NAT8L: variants seen among roughly 807,000 people sequenced by gnomAD.
The protein encoded by NAT8L is N-acetylaspartate synthetase.
A neutral mutation model predicts 21.2 loss-of-function variants in NAT8L; 6 were observed. The ratio of observed to expected loss-of-function variants is 0.28; its 90% CI spans 0.16 to 0.56. The LOEUF (loss-of-function observed/expected upper bound fraction) is 0.56, where lower values mean the gene tolerates loss of function less well. NAT8L is among the 20% of genes least tolerant of loss of function. The pLI, the probability that NAT8L is intolerant of heterozygous loss-of-function variation, is 0.93. For missense variants in NAT8L, 331 were observed against 433.3 expected (o/e 0.76, Z 2.10); for synonymous variants, 239 against 204.9 (o/e 1.17, Z -1.42).
rs1178124198 is a variant in NAT8L, at chr4:2,059,473, C to T, written c.-39C>T. ...TGGGCCCGGCCGTGCCCGCCGCCGC[C>T]CGGCCGCGTCCCCGCTGCCGCGCCG... On this transcript the variant is annotated 5_prime_UTR_variant, in exon 1 of 3. Coordinates refer to ENST00000423729, the MANE Select transcript of NAT8L (RefSeq NM_178557.4). This position sits in a 1 kb window ranked among gnomAD's most constrained non-coding sequence, Gnocchi z 4.8. The T allele has an allele frequency of 1.1e-6, 1 of 940,294 alleles. No individual in the cohort carries two copies. The highest frequency in any genetic ancestry group is 1.3e-6 in the Non-Finnish European group (1 of 791,702). 58.2% of individuals were successfully genotyped at this position (940,294 alleles called of 1,614,324 possible). A position where few individuals can be genotyped will look rare whatever the true frequency, so the allele number is the denominator to read the frequency against.
In NAT8L at chr4:2,059,529, C is replaced by G. The variant is rs1729810093; in HGVS notation, c.18C>G (p.Pro6=). The stretch of plus-strand genomic sequence containing the variant: ...CCGGGTGCATGCATTGTGGGCCTCC[C>G]GACATGGTCTGCGAGACGAAGATCG... MHCGP[P]DMVCETKIVA... Residue 6 remains proline (P), a synonymous_variant, in exon 1 of 3, where the codon CCC becomes CCG. Transcript: ENST00000423729. This position sits in a 1 kb window ranked among gnomAD's most constrained non-coding sequence, Gnocchi z 4.8. The G allele has an allele frequency of 2.0e-6, 2 of 1,002,648 alleles. No individual in the cohort carries two copies. Among genetic ancestry groups the G allele is most frequent in the African/African-American group, 3.5e-5 (2 of 56,762 alleles). The allele number at this position is 1,002,648 out of a possible 1,614,324, so 62.1% of individuals were successfully genotyped here.
In NAT8L at chr4:2,059,373, A is replaced by AGCTGCC. The variant is rs1553889920; in HGVS notation, c.-136_-131dup. 5 of 157,460 alleles carry AGCTGCC rather than the reference A, an allele frequency of 3.2e-5. No homozygotes were observed. Among genetic ancestry groups the AGCTGCC allele is most frequent in the South Asian group, 1.8e-4 (1 of 5,606 alleles). The allele number at this position is 157,460 out of a possible 1,614,324, so 9.8% of individuals were successfully genotyped here. A position where few individuals can be genotyped will look rare whatever the true frequency, so the allele number is the denominator to read the frequency against. On this transcript the variant is annotated 5_prime_UTR_variant, in exon 1 of 3. Transcript: ENST00000423729. The surrounding 1 kb of genome is among the most constrained non-coding windows in gnomAD (Gnocchi z 4.8). ...CCGCCGCCTCCGCCCCGCGCCCCTG[A>AGCTGCC]GCTGCCGCCGCCGCCGCCGCCGCTG... is the stretch of plus-strand genomic sequence containing the variant.
Position 2,060,885 on chromosome 4 carries a change from T to A in NAT8L, c.377-113T>A, listed in dbSNP as rs1729839561. On this transcript the variant is annotated intron_variant, in intron 1 of 2. Transcript: ENST00000423729. This position sits in a 1 kb window ranked among gnomAD's most constrained non-coding sequence, Gnocchi z 4.7. ...AGAAAGCACCCGAGATGACCCCGGCTCCTCCACCAGGAGCGCGGCCGGGCG... is the reference window on the plus strand; with the variant it reads ...AGAAAGCACCCGAGATGACCCCGGCACCTCCACCAGGAGCGCGGCCGGGCG... The A allele has an allele frequency of 2.0e-6, 1 of 492,192 alleles. No individual in the cohort carries two copies. The allele number at this position is 492,192 out of a possible 1,614,324, so 30.5% of individuals were successfully genotyped here.
At position 2,064,153 on chromosome 4, in the gene NAT8L, C is replaced by T. The variant is rs751126279; in HGVS notation, c.*26C>T. The stretch of plus-strand genomic sequence containing the variant: ...CCGCCGCCGCTCGCCCGCCCGCCCC[C>T]CCGGCCGCCCTGTCCGCCTTTGCCC... On this transcript the variant is annotated 3_prime_UTR_variant, in exon 3 of 3. Transcript: ENST00000423729. 2 of 1,489,340 alleles carry T rather than the reference C, an allele frequency of 1.3e-6. No homozygotes were observed. The highest frequency in any genetic ancestry group is 2.5e-5 in the South Asian group (2 of 79,544). 92.3% of individuals were successfully genotyped at this position (1,489,340 alleles called of 1,614,324 possible). A position where few individuals can be genotyped will look rare whatever the true frequency, so the allele number is the denominator to read the frequency against.
In NAT8L at chr4:2,068,391, CGTGT is replaced by C. The variant is rs910568246; in HGVS notation, c.*4267_*4270del. The C allele has an allele frequency of 6.6e-6, 1 of 152,026 alleles. No homozygotes were observed. Among genetic ancestry groups the C allele is most frequent in the African/African-American group, 2.4e-5 (1 of 41,352 alleles). The allele number at this position is 152,026 out of a possible 1,614,324, so 9.4% of individuals were successfully genotyped here. A position where few individuals can be genotyped will look rare whatever the true frequency, so the allele number is the denominator to read the frequency against. ...AAGCATGCACGTGTGTATGAATGTG[CGTGT>C]GTATGCATGAGCACGTATGCATGTG... On this transcript the variant is annotated 3_prime_UTR_variant, in exon 3 of 3. Transcript: ENST00000423729.
At chr4:2,062,448 G>A (rs1729911563) in intron 2 of NAT8L, among the ~76,000 whole-genome samples, 1 of 151,960 alleles carries the variant, frequency 6.6e-6, no homozygotes. Context: ...CCTCCTTGGA[G>A]GTAGAGATGC....
chr4:2,060,140 G>A lies in NAT8L; in HGVS notation c.376+253G>A, dbSNP rs1729825041. Among the ~76,000 whole-genome samples the A allele has an allele frequency of 1.3e-5, 2 of 151,990 alleles. No homozygotes were observed. Among genetic ancestry groups the A allele is most frequent in the African/African-American group, 4.8e-5 (2 of 41,430 alleles). On this transcript the variant is annotated intron_variant, in intron 1 of 2. Transcript: ENST00000423729. The surrounding 1 kb of genome is among the most constrained non-coding windows in gnomAD (Gnocchi z 4.7). Reference sequence around the variant, plus strand: ...CGCCGCGCAGCCCCCCACCCCCACCGCCTCCCCTGTCCCCTCCCGGGCATC... The same window carrying A: ...CGCCGCGCAGCCCCCCACCCCCACCACCTCCCCTGTCCCCTCCCGGGCATC...
rs748960328 is a variant in NAT8L, at chr4:2,063,927, G to A, written c.709G>A (p.Val237Met). 36 of 1,612,044 alleles carry A rather than the reference G, an allele frequency of 2.2e-5. No homozygotes were observed. Among genetic ancestry groups the A allele is most frequent in the African/African-American group, 2.7e-5 (2 of 74,954 alleles). ...ALGRKVLEFA[V>M]VHNYSAVVLG... ...GGGCCGGAAGGTGCTGGAGTTCGCC[G>A]TGGTGCACAACTACTCCGCGGTGGT... The change falls in exon 3 of 3, where the codon GTG (valine) becomes ATG (methionine). Residue 237 changes from valine to methionine, a missense_variant. Around this residue, in one of 2 missense-constraint regions of NAT8L, gnomAD observed 132 missense variants for 237.1 expected, o/e 0.56. Transcript: ENST00000423729.
At chr4:2,062,632 T>A (rs988008866) in intron 2 of NAT8L, among the ~76,000 whole-genome samples, 2 of 152,018 alleles carry the variant, frequency 1.3e-5, no homozygotes, top group South Asian at 4.2e-4. Context: ...CCCACGCTGC[T>A]TCTCCTTGAA....
Position 2,063,947 on chromosome 4 carries a change from G to A in NAT8L, c.729G>A (p.Ala243=), listed in dbSNP as rs770149087. 13 of 1,611,840 alleles carry A rather than the reference G, an allele frequency of 8.1e-6. No homozygotes were observed. The highest frequency in any genetic ancestry group is 2.7e-5 in the African/African-American group (2 of 75,058). ...TCGCCGTGGTGCACAACTACTCCGC[G>A]GTGGTGCTGGGCACGACGGCCGTCA... ...LEFAVVHNYS[A]VVLGTTAVKV... Residue 243 remains alanine, a synonymous_variant, in exon 3 of 3, where the codon GCG becomes GCA. Coordinates refer to ENST00000423729, the MANE Select transcript of NAT8L (RefSeq NM_178557.4).
At chr4:2,062,237 G>C (rs530152858) in intron 2 of NAT8L, among the ~76,000 whole-genome samples, 3 of 152,288 alleles carry the variant, frequency 2.0e-5, no homozygotes, top group African/African-American at 7.2e-5. Context: ...GCTGCTGATG[G>C]CCCGTGGTGG....
At position 2,059,895 on chromosome 4, in the gene NAT8L, C is replaced by A. The variant is rs1360165952; in HGVS notation, c.376+8C>A. The A allele has an allele frequency of 1.6e-6, 2 of 1,283,574 alleles. No individual in the cohort carries two copies. Among genetic ancestry groups the A allele is most frequent in the South Asian group, 1.8e-5 (1 of 54,748 alleles). 79.5% of individuals were successfully genotyped at this position (1,283,574 alleles called of 1,614,324 possible). A position where few individuals can be genotyped will look rare whatever the true frequency, so the allele number is the denominator to read the frequency against. On this transcript the variant is annotated splice_region_variant and intron_variant, in intron 1 of 2. Transcript: ENST00000423729. The surrounding 1 kb of genome is among the most constrained non-coding windows in gnomAD (Gnocchi z 4.8). ...TCTACGCCCTGCTGGCGGGTCAGTG[C>A]GCCGGGCCCCCGGCTGCCGCAGTCC...
At position 2,065,842 on chromosome 4, in the gene NAT8L, T is replaced by C. The variant is rs1233341935; in HGVS notation, c.*1715T>C. On this transcript the variant is annotated 3_prime_UTR_variant, in exon 3 of 3. Coordinates refer to ENST00000423729, the MANE Select transcript of NAT8L (RefSeq NM_178557.4). ...GACTGTACAGAAATCGGCACCCTAT[T>C]TTCTTGCAGCTCAGATTTTGTTAAT... 6.6e-6 allele frequency: 1 copy of C among 152,624 alleles called. No homozygotes were observed. The highest frequency in any genetic ancestry group is 1.5e-5 in the Non-Finnish European group (1 of 68,080). The allele number at this position is 152,624 out of a possible 1,614,324, so 9.5% of individuals were successfully genotyped here. A position where few individuals can be genotyped will look rare whatever the true frequency, so the allele number is the denominator to read the frequency against.
Position 2,059,535 on chromosome 4 carries a change from G to A in NAT8L, c.24G>A (p.Met8Ile). The A allele has an allele frequency of 1.0e-6, 1 of 1,003,004 alleles. No homozygotes were observed. Among genetic ancestry groups the A allele is most frequent in the Non-Finnish European group, 1.2e-6 (1 of 840,722 alleles). The allele number at this position is 1,003,004 out of a possible 1,614,324, so 62.1% of individuals were successfully genotyped here. The change falls in exon 1 of 3, where the codon ATG (methionine) becomes ATA (isoleucine). Residue 8 changes from methionine (M) to isoleucine (I), a missense_variant. Around this residue, in one of 2 missense-constraint regions of NAT8L, gnomAD observed 199 missense variants for 196.1 expected, o/e 1.01. Transcript: ENST00000423729. The surrounding 1 kb of genome is among the most constrained non-coding windows in gnomAD (Gnocchi z 4.8). Reference protein sequence around the residue: MHCGPPDMVCETKIVAAE... With the variant: MHCGPPDIVCETKIVAAE... ...GCATGCATTGTGGGCCTCCCGACAT[G>A]GTCTGCGAGACGAAGATCGTGGCCG...
chr4:2,060,210 G>A lies in NAT8L; in HGVS notation c.376+323G>A, dbSNP rs1729826341. Among the ~76,000 whole-genome samples, 1 of 152,066 alleles carries A rather than the reference G, an allele frequency of 6.6e-6. No individual in the cohort carries two copies. The highest frequency in any genetic ancestry group is 2.4e-5 in the African/African-American group (1 of 41,444). On this transcript the variant is annotated intron_variant, in intron 1 of 2. Coordinates refer to ENST00000423729, the MANE Select transcript of NAT8L (RefSeq NM_178557.4). The surrounding 1 kb of genome is among the most constrained non-coding windows in gnomAD (Gnocchi z 4.7). ...AGGGCAGGTAGCGCCCGCCGCGGCTGGGCCCCGGCGAGTGCCTAAATATAA... is the reference window on the plus strand; with the variant it reads ...AGGGCAGGTAGCGCCCGCCGCGGCTAGGCCCCGGCGAGTGCCTAAATATAA...
In NAT8L at chr4:2,064,148, G is replaced by GC. The variant is rs780188636; in HGVS notation, c.*28dup. On this transcript the variant is annotated 3_prime_UTR_variant, in exon 3 of 3. Coordinates refer to ENST00000423729, the MANE Select transcript of NAT8L (RefSeq NM_178557.4). ...AGTGACCGCCGCCGCTCGCCCGCCC[G>GC]CCCCCCCGGCCGCCCTGTCCGCCTT... is the stretch of plus-strand genomic sequence containing the variant. 5.5e-5 allele frequency: 75 copies of GC among 1,374,758 alleles called. No individual in the cohort carries two copies. The highest frequency in any genetic ancestry group is 7.9e-5 in the East Asian group (3 of 38,024). 85.2% of individuals were successfully genotyped at this position (1,374,758 alleles called of 1,614,324 possible). A position where few individuals can be genotyped will look rare whatever the true frequency, so the allele number is the denominator to read the frequency against.
intron 2 of NAT8L, 49 bp downstream of exon 2, chr4:2,061,211 G>T (rs760151791): frequency 6.2e-7 from 1 of 1,605,668 alleles, no homozygotes. Flanking sequence ...GACAGCCCTC[G>T]GGGGCACGCA....
Position 2,061,475 on chromosome 4 carries a change from C to G in NAT8L, c.541+313C>G, listed in dbSNP as rs558866600. Among the ~76,000 whole-genome samples, 24 of 152,280 alleles carry G rather than the reference C, an allele frequency of 1.6e-4. No individual in the cohort carries two copies. The South Asian group carries it at 4.8e-3, about 30-fold the overall frequency. ...GGCCGCTGGGCTCTGTGGGTCCCAT[C>G]TGGTGTGCCTTGCGGGGATGGGGTT... On this transcript the variant is annotated intron_variant, in intron 2 of 2. Coordinates refer to ENST00000423729, the MANE Select transcript of NAT8L (RefSeq NM_178557.4).
rs1228719331 is a variant in NAT8L at position 2,060,618 on chromosome 4, C to T, written c.377-380C>T. Among the ~76,000 whole-genome samples the T allele has an allele frequency of 6.6e-6, 1 of 151,798 alleles. No individual in the cohort carries two copies. The highest frequency in any genetic ancestry group is 1.5e-5 in the Non-Finnish European group (1 of 67,940). ...CCCGAGGCTGGAACGTGGGACACCCCCCTTCCTCCTCCCCCCTCCCCCCTC... is the reference window on the plus strand; with the variant it reads ...CCCGAGGCTGGAACGTGGGACACCCTCCTTCCTCCTCCCCCCTCCCCCCTC... On this transcript the variant is annotated intron_variant, in intron 1 of 2. Coordinates refer to ENST00000423729, the MANE Select transcript of NAT8L (RefSeq NM_178557.4). The surrounding 1 kb of genome is among the most constrained non-coding windows in gnomAD (Gnocchi z 4.7).
Sources: gnomAD v4.1 joint callset for allele counts (sites outside exome capture counted in the v4.1 genomes callset) on GRCh38, gnomAD v4.1.1 for gene constraint, gnomAD v4.1.1 regional missense constraint, Gnocchi (gnomAD v3.1) non-coding constraint, MANE v1.5 for transcripts, NCBI Gene and HGNC (gene_info 2026-07-23, HGNC 2026-07-21) for gene names.